Variants in LARP1 observed in about 807,000 individuals in gnomAD.
LARP1 encodes the protein La ribonucleoprotein 1, translational regulator, also known as la-related protein 1.
In LARP1, 36 loss-of-function variants were observed where a neutral mutation model predicts 122.7. The ratio of observed to expected loss-of-function variants is 0.29; its 90% CI spans 0.22 to 0.39. The LOEUF (loss-of-function observed/expected upper bound fraction) is 0.39. LARP1 is among the 10% of genes least tolerant of loss of function. The pLI is 1.00. For missense variants in LARP1, 1,040 were observed against 1,403.6 expected (o/e 0.74, Z 4.14); for synonymous variants, 539 against 528.7 (o/e 1.02, Z -0.27).
At chr5:154,771,006 G>A (rs558156531) in intron 1 of LARP1, among the ~76,000 whole-genome samples, 5 of 152,118 alleles carry the variant, frequency 3.3e-5, no homozygotes, top group South Asian at 4.2e-4. Context: ...CAGCTACTCG[G>A]GTGGCTGAGG....
chr5:154,789,264 G>A (rs1757152415), intron 1 of LARP1, among the ~76,000 whole-genome samples: 1 of 127,654 alleles, frequency 7.8e-6, no homozygotes, highest in Non-Finnish European at 1.6e-5. Flanking sequence ...CCGTCGCCCA[G>A]GCTGGAGTGC....
chr5:154,794,066 C>A (rs373948254), intron 6 of LARP1, 34 bp from the exon 7 acceptor site: 1 of 1,612,398 alleles, frequency 6.2e-7, no homozygotes. Flanking sequence ...GGGCAGGAAT[C>A]TCCTCTCCCT....
At chr5:154,805,668 T>C in intron 14 of LARP1, 1 of 537,374 alleles carries the variant, frequency 1.9e-6, no homozygotes, top group Non-Finnish European at 3.3e-6. Flanking sequence ...CTAATCTCTG[T>C]AAGCCTCAGT....
Position 154,755,683 on chromosome 5 carries a change from G to C in LARP1, c.-75G>C. On this transcript the variant is annotated 5_prime_UTR_variant, in exon 1 of 19. Coordinates refer to ENST00000518297, the MANE Select transcript of LARP1 (RefSeq NM_033551.3). ...CGCCCCGGAGGAAGGCGTCGCGGGC[G>C]CTCTGCTAGCCAAGTTCGAGGCGGG... is the stretch of plus-strand genomic sequence containing the variant. The C allele has an allele frequency of 4.0e-6, 4 of 987,680 alleles. No individual in the cohort carries two copies. The highest frequency in any genetic ancestry group is 4.8e-6 in the Non-Finnish European group (4 of 830,242). 61.2% of individuals were successfully genotyped at this position (987,680 alleles called of 1,614,324 possible). A position where few individuals can be genotyped will look rare whatever the true frequency, so the allele number is the denominator to read the frequency against.
chr5:154,791,928 A>G, intron 3 of LARP1: 1 of 455,868 alleles, frequency 2.2e-6, no homozygotes. Flanking sequence ...AGGTCCTTTT[A>G]TAATCCCCAT....
Position 154,793,843 on chromosome 5 carries a change from A to C in LARP1, c.912A>C (p.Pro304=), listed in dbSNP as rs771702315. 6.2e-6 allele frequency: 10 copies of C among 1,613,924 alleles called. No homozygotes were observed. In the African/African-American group the frequency reaches 6.7e-5, roughly 11 times the overall value. Reference sequence around the variant, plus strand: ...ACGTGCCCGTGGCCCCCCCCACCCCAGCCTGGCAACCAGAGATCAAACCGG... The same window carrying C: ...ACGTGCCCGTGGCCCCCCCCACCCCCGCCTGGCAACCAGAGATCAAACCGG... ...ATYVPVAPPT[P]AWQPEIKPEP... is the part of the protein sequence containing the mutation. The change falls in exon 6 of 19, where the codon CCA becomes CCC. Residue 304 remains proline, a synonymous_variant. Transcript: ENST00000518297.
chr5:154,776,286 T>G (rs1041250055), intron 1 of LARP1, among the ~76,000 whole-genome samples: 2 of 152,160 alleles, frequency 1.3e-5, no homozygotes, highest in African/African-American at 4.8e-5. Flanking sequence ...AAAGCCAAGT[T>G]TTGGAGCTTG....
At position 154,815,749 on chromosome 5, in the gene LARP1, TC is replaced by T. The variant is rs1489853337; in HGVS notation, c.*1654del. The T allele has an allele frequency of 2.0e-5, 3 of 152,460 alleles. No homozygotes were observed. In the East Asian group the frequency reaches 5.8e-4, roughly 30 times the overall value. The allele number at this position is 152,460 out of a possible 1,614,324, so 9.4% of individuals were successfully genotyped here. On this transcript the variant is annotated 3_prime_UTR_variant, in exon 19 of 19. Transcript: ENST00000518297. ...GACATAGAGTATACCTGATTCTCTT[TC>T]TTCAGCCACTGACTGCTTGGGTTGG...
At chr5:154,779,313 T>G (rs1756206104) in intron 1 of LARP1, among the ~76,000 whole-genome samples, 1 of 152,144 alleles carries the variant, frequency 6.6e-6, no homozygotes, top group South Asian at 2.1e-4. Flanking sequence ...GAGAGATTGC[T>G]CAGTTTTGAC....
intron 1 of LARP1, among the ~76,000 whole-genome samples, chr5:154,695,656 C>CA (rs1176256010): frequency 5.9e-5 from 9 of 151,320 alleles, no homozygotes; most frequent in Admixed American, 1.3e-4. Context: ...GGCTCCGTCT[C>CA]AAAAAAAAGA....
At chr5:154,730,688 G>A (rs980953434) in intron 1 of LARP1, among the ~76,000 whole-genome samples, 19 of 151,696 alleles carry the variant, frequency 1.3e-4, no homozygotes, top group Non-Finnish European at 2.9e-5. Flanking sequence ...TGGCCAGGCC[G>A]GTCTCAAACT....
At chr5:154,699,550 C>G (rs77625692) in intron 1 of LARP1, among the ~76,000 whole-genome samples, 243 of 152,236 alleles carry the variant, frequency 1.6e-3, no homozygotes, top group African/African-American at 5.5e-3. Context: ...CTGAAGTGTT[C>G]CTGAAACGGG....
intron 14 of LARP1, chr5:154,804,888 C>G: frequency 2.2e-6 from 1 of 456,242 alleles, no homozygotes; most frequent in South Asian, 1.5e-5. Flanking sequence ...AATAGGCATG[C>G]TTTTGAAGAA....
chr5:154,774,141 T>TG (rs1481923135), intron 1 of LARP1, among the ~76,000 whole-genome samples: 1 of 152,112 alleles, frequency 6.6e-6, no homozygotes, highest in Non-Finnish European at 1.5e-5. Context: ...GCCATTGGCT[T>TG]GCTGCTGGCC....
chr5:154,769,203 G>T (rs1160212003), intron 1 of LARP1, among the ~76,000 whole-genome samples: 5 of 152,170 alleles, frequency 3.3e-5, no homozygotes, highest in Non-Finnish European at 7.3e-5. Flanking sequence ...GCTGTTATAG[G>T]GGTAAAAATG....
At chr5:154,799,800 G>A in intron 9 of LARP1, 41 bp downstream of exon 9, 2 of 1,612,098 alleles carry the variant, frequency 1.2e-6, no homozygotes, top group Non-Finnish European at 1.7e-6. Flanking sequence ...TGTCCTCTGG[G>A]CAACAGTCCT....
At chr5:154,711,063 G>A (rs1234519584), upstream of LARP1, among the ~76,000 whole-genome samples, 3 of 151,932 alleles carry the variant, frequency 2.0e-5, no homozygotes, top group Non-Finnish European at 4.4e-5. Flanking sequence ...TGACAGTGTG[G>A]CCGTTTGCAT....
intron 1 of LARP1, among the ~76,000 whole-genome samples, chr5:154,783,491 T>C (rs1348571323): frequency 6.6e-6 from 1 of 152,210 alleles, no homozygotes; most frequent in African/African-American, 2.4e-5. Flanking sequence ...GAAACTGTCC[T>C]GTTGGCTACA....
At chr5:154,800,080 T>C (rs1161650523) in intron 10 of LARP1, 38 bp downstream of exon 10, 1 of 1,592,630 alleles carries the variant, frequency 6.3e-7, no homozygotes, top group Non-Finnish European at 8.6e-7. Context: ...GTTCTAGCAC[T>C]CTGAGCTAGG....
Sources: allele counts gnomAD v4.1 joint callset (sites outside exome capture counted in the v4.1 genomes callset), GRCh38; gene constraint gnomAD v4.1.1; transcripts MANE v1.5; gene names NCBI Gene and HGNC (gene_info 2026-07-23, HGNC 2026-07-21).